NUBPL: variants seen among roughly 807,000 people sequenced by gnomAD.
NUBPL encodes NUBP iron-sulfur cluster assembly factor, mitochondrial.
A neutral mutation model predicts 45.7 loss-of-function variants in NUBPL; 31 were observed. The observed-to-expected ratio is 0.68, with a 90% CI of 0.51 to 0.92. NUBPL has a LOEUF of 0.92. Among genes scored for constraint, NUBPL ranks in the 40% least tolerant of loss-of-function variants. The probability of loss-of-function intolerance (pLI) is 0.00; values close to 1 mark genes in which losing one functional copy is unlikely to be tolerated. For synonymous variants in NUBPL, 144 were observed against 140.9 expected, an observed-to-expected ratio of 1.02 and a Z score of -0.15; for missense variants, 401 against 398.7, an observed-to-expected ratio of 1.01 and a Z score of -0.05.
intron 7 of NUBPL, among the ~76,000 whole-genome samples, chr14:31,811,467 T>G (rs890899302): frequency 1.3e-5 from 2 of 152,196 alleles, no homozygotes; most frequent in Non-Finnish European, 2.9e-5. Flanking sequence ...TTTCAGCTCC[T>G]TCAGGTCACT....
intron 8 of NUBPL, 24 bp downstream of exon 8, chr14:31,826,738 G>A (rs1566585447): frequency 1.9e-6 from 3 of 1,600,926 alleles, no homozygotes; most frequent in South Asian, 1.1e-5. Flanking sequence ...GCTTCACTGT[G>A]AAAAATATAA....
intron 6 of NUBPL, among the ~76,000 whole-genome samples, chr14:31,765,558 C>T (rs895044221): frequency 1.3e-5 from 2 of 152,044 alleles, no homozygotes; most frequent in Admixed American, 6.5e-5. Flanking sequence ...GTCCACATCC[C>T]GAATTTACAG....
At chr14:31,778,942 T>C (rs2039144200) in intron 6 of NUBPL, among the ~76,000 whole-genome samples, 1 of 152,164 alleles carries the variant, frequency 6.6e-6, no homozygotes, top group Admixed American at 6.5e-5. Context: ...ACCTAGTAAG[T>C]GCATGCAGTT....
rs73253302 is a variant in NUBPL at position 31,712,984 on chromosome 14, G to A, written c.513+39410G>A. 2.0e-3 allele frequency among the ~76,000 whole-genome samples: 305 copies of A among 152,188 alleles called. 1 individual carries two copies. The highest frequency in any genetic ancestry group is 6.6e-3 in the Admixed American group (101 of 15,290). ...CTTAGGAACATAGGAATTAGGGAGGGGTAAGGGAGCAACCTGATGGATGAA... is the reference window on the plus strand; with the variant it reads ...CTTAGGAACATAGGAATTAGGGAGGAGTAAGGGAGCAACCTGATGGATGAA... On this transcript the variant is annotated intron_variant, in intron 6 of 10. Coordinates refer to ENST00000281081, the MANE Select transcript of NUBPL (RefSeq NM_025152.3).
chr14:31,818,842 C>G (rs2039969441), intron 7 of NUBPL, among the ~76,000 whole-genome samples: 1 of 152,162 alleles, frequency 6.6e-6, no homozygotes, highest in South Asian at 2.1e-4. Flanking sequence ...GCTGCCGTGC[C>G]CAGCCAATTG....
chr14:31,750,360 A>G (rs1377822514), intron 6 of NUBPL, among the ~76,000 whole-genome samples: 4 of 127,644 alleles, frequency 3.1e-5, no homozygotes, highest in East Asian at 2.3e-4. Context: ...TTTTTTTTTA[A>G]TTTTTATTTT....
chr14:31,574,674 T>C (rs978993875), intron 3 of NUBPL, among the ~76,000 whole-genome samples: 2 of 148,934 alleles, frequency 1.3e-5, no homozygotes, highest in African/African-American at 2.5e-5. Context: ...CACTGCAACC[T>C]TTGCCTCCCG....
At chr14:31,662,075 C>T (rs1307829374) in intron 4 of NUBPL, 1 of 151,726 alleles carries the variant, frequency 6.6e-6, no homozygotes, top group Non-Finnish European at 1.5e-5. Flanking sequence ...CCGTATCATC[C>T]TTCTGCAGGG....
chr14:31,811,370 A>G (rs1371769949), intron 7 of NUBPL, among the ~76,000 whole-genome samples: 1 of 151,880 alleles, frequency 6.6e-6, no homozygotes, highest in Non-Finnish European at 1.5e-5. Context: ...CTTCAATTTG[A>G]TCTTCAATCA....
chr14:31,853,480 T>A (rs1297253209), intron 10 of NUBPL, among the ~76,000 whole-genome samples: 1 of 152,154 alleles, frequency 6.6e-6, no homozygotes, highest in Non-Finnish European at 1.5e-5. Context: ...TTTCTATCAC[T>A]CCATCCTCCC....
chr14:31,703,627 T>C (rs907310165), intron 6 of NUBPL, among the ~76,000 whole-genome samples: 10 of 152,224 alleles, frequency 6.6e-5, no homozygotes, highest in South Asian at 6.2e-4. Context: ...CCATCAGATC[T>C]TGTGAGACTT....
rs538686239 is a variant in NUBPL at position 31,767,455 on chromosome 14, C to T, written c.514-20325C>T. 2.6e-5 allele frequency among the ~76,000 whole-genome samples: 4 copies of T among 152,234 alleles called. No homozygotes were observed. The East Asian group carries it at 5.8e-4, about 22-fold the overall frequency. On this transcript the variant is annotated intron_variant, in intron 6 of 10. Coordinates refer to ENST00000281081, the MANE Select transcript of NUBPL (RefSeq NM_025152.3). ...GTCTCTGTCTCCTGACCTCATGATC[C>T]GCCCGCCTCAGCCTCCCAAAGTGCT...
At position 31,562,052 on chromosome 14, in the gene NUBPL, T is replaced by C. The variant is rs768749382; in HGVS notation, c.109-16T>C. 1 of 1,555,906 alleles carries C rather than the reference T, an allele frequency of 6.4e-7. No individual in the cohort carries two copies. The highest frequency in any genetic ancestry group is 2.4e-5 in the East Asian group (1 of 40,960). ...GCTTATTTAAAACGGCTTTTTATTA[T>C]TATTATTTTTTAAAGTTGTCTGGCG... is the stretch of plus-strand genomic sequence containing the variant. On this transcript the variant is annotated splice_polypyrimidine_tract_variant and intron_variant, in intron 1 of 10. Coordinates refer to ENST00000281081, the MANE Select transcript of NUBPL (RefSeq NM_025152.3).
chr14:31,855,877 A>G (rs1479857220), intron 10 of NUBPL, among the ~76,000 whole-genome samples: 1 of 152,306 alleles, frequency 6.6e-6, no homozygotes, highest in East Asian at 1.9e-4. Context: ...TGACAAAATT[A>G]TTTACCTTTC....
chr14:31,567,802 A>T (rs2033476675), intron 3 of NUBPL, among the ~76,000 whole-genome samples: 1 of 152,212 alleles, frequency 6.6e-6, no homozygotes, highest in Non-Finnish European at 1.5e-5. Flanking sequence ...AACTTGTTAG[A>T]CATGTAAAAT....
At chr14:31,748,746 G>A (rs927054302) in intron 6 of NUBPL, among the ~76,000 whole-genome samples, 13 of 151,984 alleles carry the variant, frequency 8.6e-5, no homozygotes, top group African/African-American at 2.9e-4. Context: ...CTGAGTAGCT[G>A]GGATTACAGG....
chr14:31,842,312 G>A (rs1169870263), intron 8 of NUBPL, among the ~76,000 whole-genome samples: 1 of 151,864 alleles, frequency 6.6e-6, no homozygotes, highest in Non-Finnish European at 1.5e-5. Flanking sequence ...TTAAGATGAG[G>A]AAATTCTAGA....
intron 6 of NUBPL, among the ~76,000 whole-genome samples, chr14:31,730,298 G>A (rs17098129): frequency 0.3 from 44,812 of 151,792 alleles, 7,476 homozygotes; most frequent in South Asian, 0.41. Flanking sequence ...CAAGACTGAG[G>A]GGTGTAAGTC....
rs1278645125 is a variant in NUBPL at position 31,859,733 on chromosome 14, A to T, written c.*553A>T. The T allele has an allele frequency of 6.2e-6, 1 of 160,066 alleles. No homozygotes were observed. The highest frequency in any genetic ancestry group is 1.4e-5 in the Non-Finnish European group (1 of 71,902). The allele number at this position is 160,066 out of a possible 1,614,324, so 9.9% of individuals were successfully genotyped here. On this transcript the variant is annotated 3_prime_UTR_variant, in exon 11 of 11. Transcript: ENST00000281081. ...CCTGAACATATGTATTTTTAGTAAGACCATGATGATGTTGATGATGATTCT... is the reference window on the plus strand; with the variant it reads ...CCTGAACATATGTATTTTTAGTAAGTCCATGATGATGTTGATGATGATTCT...
Sources: allele counts gnomAD v4.1 joint callset (sites outside exome capture counted in the v4.1 genomes callset), GRCh38; gene constraint gnomAD v4.1.1; transcripts MANE v1.5; gene names NCBI Gene and HGNC (gene_info 2026-07-23, HGNC 2026-07-21).